The following DLGAP2 variants were observed in gnomAD, a reference collection of about 807,000 sequenced individuals.
The protein encoded by DLGAP2 is disks large-associated protein 2.
In DLGAP2, 26 loss-of-function variants were observed where a neutral mutation model predicts 100.3. The ratio of observed to expected loss-of-function variants is 0.26; its 90% CI spans 0.19 to 0.36. DLGAP2 has a LOEUF of 0.36. Ranked by LOEUF, DLGAP2 falls within the 10% of genes least tolerant of loss-of-function variation. The probability of loss-of-function intolerance (pLI) is 1.00; values close to 1 mark genes in which losing one functional copy is unlikely to be tolerated. For synonymous variants in DLGAP2, 886 were observed against 630.1 expected (o/e 1.41, Z -6.08); for missense variants, 1,858 against 1,453.2 (o/e 1.28, Z -4.53).
intron 5 of DLGAP2, among the ~76,000 whole-genome samples, chr8:1,562,451 G>A (rs1584929904): frequency 2.4e-5 from 1 of 41,618 alleles, no homozygotes; most frequent in African/African-American, 9.7e-5. Flanking sequence ...GCGCCTCGTT[G>A]CTGCGGGACT....
intron 6 of DLGAP2, among the ~76,000 whole-genome samples, chr8:1,595,527 C>T (rs1306486398): frequency 6.6e-6 from 1 of 151,010 alleles, no homozygotes; most frequent in African/African-American, 2.4e-5. Flanking sequence ...ATTAGCCGGG[C>T]ACGGTGGCGG....
At chr8:1,697,327 C>G (rs1356113529) in intron 14 of DLGAP2, 28 bp downstream of exon 14, 1 of 1,560,884 alleles carries the variant, frequency 6.4e-7, no homozygotes, top group Non-Finnish European at 8.7e-7. Context: ...GGGCCGGCTC[C>G]CAGCAAACCC....
chr8:1,548,978 C>A lies in DLGAP2; in HGVS notation c.525C>A (p.Asp175Glu). Reference sequence around the variant, plus strand: ...GCTCGCACTACGACACGCGCGACGACTGCGCTGTGGCCCACGCGGGCGCCA... The same window carrying A: ...GCTCGCACTACGACACGCGCGACGAATGCGCTGTGGCCCACGCGGGCGCCA... ...HYSSHYDTRD[D>E]CAVAHAGAKI... The change falls in exon 5 of 15, where the codon GAC becomes GAA. Residue 175 changes from aspartate (D) to glutamate (E), a missense_variant. Asp to Glu is a conservative substitution (Grantham distance 45). Transcript: ENST00000637795. 2.5e-6 allele frequency: 4 copies of A among 1,599,310 alleles called. No individual in the cohort carries two copies. Among genetic ancestry groups the A allele is most frequent in the Non-Finnish European group, 3.4e-6 (4 of 1,179,412 alleles).
At chr8:1,084,431 T>A (rs575656483) in intron 2 of DLGAP2, among the ~76,000 whole-genome samples, 1 of 152,220 alleles carries the variant, frequency 6.6e-6, no homozygotes, top group Non-Finnish European at 1.5e-5. Context: ...AAATGTAAAA[T>A]ACTCAATAAT....
intron 4 of DLGAP2, among the ~76,000 whole-genome samples, chr8:1,529,047 C>A (rs4457358): frequency 0.53 from 80,331 of 151,832 alleles, 21,583 homozygotes; most frequent in South Asian, 0.7. Context: ...GTCTGTTGTC[C>A]TACTGCTTTA....
intron 2 of DLGAP2, among the ~76,000 whole-genome samples, chr8:1,045,390 T>C (rs1471201962): frequency 6.6e-6 from 1 of 152,236 alleles, no homozygotes; most frequent in Non-Finnish European, 1.5e-5. Flanking sequence ...ATACAAATTG[T>C]ATATGTCTAT....
chr8:1,295,564 C>T (rs1410010893), intron 3 of DLGAP2, among the ~76,000 whole-genome samples: 1 of 152,216 alleles, frequency 6.6e-6, no homozygotes, highest in Admixed American at 6.5e-5. Context: ...CTGGTCAGCC[C>T]CCGCTCCTGG....
chr8:1,657,835 A>G (rs567802718), intron 8 of DLGAP2, among the ~76,000 whole-genome samples: 1 of 152,378 alleles, frequency 6.6e-6, no homozygotes, highest in South Asian at 2.1e-4. Flanking sequence ...TAAGTGAAAC[A>G]GCTTCGTTGT....
chr8:1,356,550 C>T (rs1801856412), intron 3 of DLGAP2, among the ~76,000 whole-genome samples: 1 of 152,110 alleles, frequency 6.6e-6, no homozygotes, highest in Non-Finnish European at 1.5e-5. Context: ...CCCTCGGGGT[C>T]CACACTGTGA....
intron 3 of DLGAP2, among the ~76,000 whole-genome samples, chr8:1,415,844 G>A (rs1208123600): frequency 6.6e-6 from 1 of 152,106 alleles, no homozygotes; most frequent in Non-Finnish European, 1.5e-5. Context: ...CCCAGTCATG[G>A]GATTGCTGAT....
At chr8:1,546,717 C>A (rs374154046) in intron 4 of DLGAP2, among the ~76,000 whole-genome samples, 2 of 152,136 alleles carry the variant, frequency 1.3e-5, no homozygotes, top group African/African-American at 4.8e-5. Flanking sequence ...GAGTGGGTGG[C>A]TCTCCAAGCG....
At chr8:1,516,711 CTGAG>C (rs757962109) in intron 4 of DLGAP2, among the ~76,000 whole-genome samples, 82 of 149,836 alleles carry the variant, frequency 5.5e-4, no homozygotes, top group Middle Eastern at 3.6e-3. Context: ...GAGTGGGTGA[CTGAG>C]TGAAAGAGTG....
chr8:1,384,111 G>A (rs566490848), intron 3 of DLGAP2, among the ~76,000 whole-genome samples: 4 of 152,108 alleles, frequency 2.6e-5, no homozygotes, highest in Admixed American at 6.5e-5. Flanking sequence ...GAAGAATTAG[G>A]TCAGAATTCA....
intron 4 of DLGAP2, among the ~76,000 whole-genome samples, chr8:1,521,383 G>GC (rs1339754990): frequency 2.0e-5 from 1 of 51,182 alleles, no homozygotes; most frequent in Admixed American, 2.9e-4. Flanking sequence ...GAATACTCGG[G>GC]GGCAGGTGAT....
intron 2 of DLGAP2, among the ~76,000 whole-genome samples, chr8:1,008,998 C>A (rs1027044605): frequency 3.9e-5 from 6 of 152,352 alleles, no homozygotes; most frequent in Admixed American, 3.9e-4. Context: ...GACCCTTCCT[C>A]GCAGGCCTCC....
At chr8:902,361 T>TG (rs1170775687) in intron 1 of DLGAP2, among the ~76,000 whole-genome samples, 14 of 138,320 alleles carry the variant, frequency 1.0e-4, no homozygotes, top group Admixed American at 1.4e-4. Flanking sequence ...GCGCGGGGGC[T>TG]GGGGGGGCAC....
intron 3 of DLGAP2, among the ~76,000 whole-genome samples, chr8:1,472,271 C>A (rs537389536): frequency 6.6e-6 from 1 of 152,150 alleles, no homozygotes; most frequent in Admixed American, 6.5e-5. Flanking sequence ...GGCTGTGCAC[C>A]AGATGCAGGG....
intron 6 of DLGAP2, among the ~76,000 whole-genome samples, chr8:1,572,526 G>T (rs1162730792): frequency 3.8e-5 from 5 of 130,818 alleles, no homozygotes; most frequent in African/African-American, 5.8e-5. Context: ...AGAGGAGAGA[G>T]GGTGAACTGT....
At chr8:1,022,049 C>T (rs1801638242) in intron 2 of DLGAP2, among the ~76,000 whole-genome samples, 2 of 152,306 alleles carry the variant, frequency 1.3e-5, no homozygotes, top group African/African-American at 4.8e-5. Flanking sequence ...TGTACAAAGT[C>T]CTGCAAAGAG....
Sources: allele counts gnomAD v4.1 joint callset (sites outside exome capture counted in the v4.1 genomes callset), GRCh38; gene constraint gnomAD v4.1.1; transcripts MANE v1.5; gene names NCBI Gene and HGNC (gene_info 2026-07-23, HGNC 2026-07-21).